SULT1E1: variants seen among roughly 807,000 people sequenced by gnomAD.
SULT1E1 encodes the protein sulfotransferase 1E1.
In SULT1E1, 36 loss-of-function variants were observed where a neutral mutation model predicts 33.6. The observed-to-expected ratio is 1.07, with a 90% CI of 0.82 to 1.41. SULT1E1 has a LOEUF of 1.41. Among genes scored for constraint, SULT1E1 ranks in the 40% most tolerant of loss-of-function variants. The pLI is 0.00. For synonymous variants in SULT1E1, 121 were observed against 111.7 expected, an observed-to-expected ratio of 1.08 and a Z score of -0.53; for missense variants, 371 against 345.7, an observed-to-expected ratio of 1.07 and a Z score of -0.58.
chr4:69,852,195 T>C (rs1002346442), intron 4 of SULT1E1, among the ~76,000 whole-genome samples: 1 of 152,156 alleles, frequency 6.6e-6, no homozygotes, highest in African/African-American at 2.4e-5. Context: ...CTGATGCTAT[T>C]TCTAAGCTTG....
At chr4:69,827,528 G>A in the SULT1E1 span, among the ~76,000 whole-genome samples, 1 of 152,114 alleles carries the variant, frequency 6.6e-6, no homozygotes, top group African/African-American at 2.4e-5. Context: ...TCCTCAAGCA[G>A]CTACAAGAGG....
At chr4:69,827,420 C>T in the SULT1E1 span, among the ~76,000 whole-genome samples, 12 of 152,108 alleles carry the variant, frequency 7.9e-5, no homozygotes, top group Admixed American at 6.5e-5. Flanking sequence ...TCTGTTGACC[C>T]GTGTTCTAGA....
chr4:69,838,275 TTTAA>T (rs1297841879), downstream of SULT1E1, among the ~76,000 whole-genome samples: 1 of 152,106 alleles, frequency 6.6e-6, no homozygotes, highest in African/African-American at 2.4e-5. Flanking sequence ...TCCAGTTTAA[TTTAA>T]TTGTTTTTAT....
At chr4:69,852,312 A>T (rs1048934172) in intron 4 of SULT1E1, among the ~76,000 whole-genome samples, 1 of 152,072 alleles carries the variant, frequency 6.6e-6, no homozygotes, top group Admixed American at 6.6e-5. Flanking sequence ...GGTGTGTGTG[A>T]TCTACTTGAT....
At chr4:69,835,509 A>T in the SULT1E1 span, among the ~76,000 whole-genome samples, 1 of 152,198 alleles carries the variant, frequency 6.6e-6, no homozygotes, top group African/African-American at 2.4e-5. Flanking sequence ...AACTGAATTT[A>T]TGATAAGTGG....
At chr4:69,857,109 G>A (rs911682794) in intron 2 of SULT1E1, among the ~76,000 whole-genome samples, 1 of 152,094 alleles carries the variant, frequency 6.6e-6, no homozygotes, top group African/African-American at 2.4e-5. Context: ...ATGGAGTTTT[G>A]TAGATAGACT....
intron 2 of SULT1E1, among the ~76,000 whole-genome samples, chr4:69,855,743 A>C (rs1721219953): frequency 6.6e-6 from 1 of 152,178 alleles, no homozygotes. Context: ...AAGTAAGAAG[A>C]CTTGAATAAG....
chr4:69,848,930 T>C (rs11573776), intron 5 of SULT1E1, among the ~76,000 whole-genome samples: 1,659 of 151,986 alleles, frequency 0.011, 33 homozygotes, highest in African/African-American at 0.038. Flanking sequence ...GAAACCTGGT[T>C]AAAATATTCA....
chr4:69,857,963 C>A (rs4149529), intron 1 of SULT1E1, among the ~76,000 whole-genome samples: 41,102 of 151,926 alleles, frequency 0.27, 6,061 homozygotes, highest in South Asian at 0.43. Flanking sequence ...AACCACAGAA[C>A]CTTCAATTTC....
intron 4 of SULT1E1, 47 bp from the exon 5 acceptor site, chr4:69,849,610 A>G (rs1439105131): frequency 6.6e-7 from 1 of 1,514,104 alleles, no homozygotes; most frequent in African/African-American, 1.4e-5. Flanking sequence ...TTTTTTTCAA[A>G]CAGTCTCATC....
intron 7 of SULT1E1, among the ~76,000 whole-genome samples, chr4:69,843,263 C>T (rs1244138857): frequency 6.6e-6 from 1 of 152,150 alleles, no homozygotes; most frequent in South Asian, 2.1e-4. Flanking sequence ...CAGATAGGTT[C>T]TGAGGGTACA....
chr4:69,823,712 G>A, the SULT1E1 span, among the ~76,000 whole-genome samples: 1 of 152,142 alleles, frequency 6.6e-6, no homozygotes, highest in Non-Finnish European at 1.5e-5. Context: ...CATATTTAGA[G>A]TCTGTGTAAA....
At chr4:69,831,444 G>A in the SULT1E1 span, among the ~76,000 whole-genome samples, 3 of 152,160 alleles carry the variant, frequency 2.0e-5, no homozygotes, top group East Asian at 1.9e-4. Flanking sequence ...GCTGTCCCCC[G>A]ACCCTGGTCA....
the SULT1E1 span, among the ~76,000 whole-genome samples, chr4:69,834,982 G>A: frequency 6.6e-6 from 1 of 152,072 alleles, no homozygotes; most frequent in African/African-American, 2.4e-5. Flanking sequence ...ATATCAAGAA[G>A]TCAAAAATTT....
Position 69,841,927 on chromosome 4 carries a change from A to G in SULT1E1, c.*67T>C. 1.2e-6 allele frequency: 1 copy of G among 863,550 alleles called. No homozygotes were observed. 53.5% of individuals were successfully genotyped at this position (863,550 alleles called of 1,614,324 possible). ...TATGTCTTTTCTAGCAATCTAAAAT[A>G]AGAAAAAGTGGAGAATAATGAAAAG... On this transcript the variant is annotated 3_prime_UTR_variant, in exon 8 of 8. Coordinates refer to ENST00000226444, the MANE Select transcript of SULT1E1 (RefSeq NM_005420.3).
the SULT1E1 span, among the ~76,000 whole-genome samples, chr4:69,821,249 C>T: frequency 1.2e-4 from 19 of 152,228 alleles, no homozygotes; most frequent in Middle Eastern, 3.4e-3. Flanking sequence ...AACTATCCTA[C>T]GTTTTTCACA....
At chr4:69,825,045 A>G in the SULT1E1 span, among the ~76,000 whole-genome samples, 1 of 152,150 alleles carries the variant, frequency 6.6e-6, no homozygotes, top group East Asian at 1.9e-4. Flanking sequence ...CCGCTAACCC[A>G]CCAGGAGGAA....
Position 69,842,115 on chromosome 4 carries a change from A to T in SULT1E1, c.773-9T>A. ...CCAGTCTCCTGTAATTCCTGTAACA[A>T]AAAAGAAAGCTCAATAAATATTAAG... On this transcript the variant is annotated splice_polypyrimidine_tract_variant and intron_variant, in intron 7 of 7. Transcript: ENST00000226444. The T allele has an allele frequency of 1.3e-6, 2 of 1,495,370 alleles. No homozygotes were observed. The highest frequency in any genetic ancestry group is 1.8e-6 in the Non-Finnish European group (2 of 1,084,304). 92.6% of individuals were successfully genotyped at this position (1,495,370 alleles called of 1,614,324 possible).
chr4:69,857,695 A>C, intron 1 of SULT1E1, 42 bp from the exon 2 acceptor site: 1 of 1,521,410 alleles, frequency 6.6e-7, no homozygotes, highest in South Asian at 1.4e-5. Flanking sequence ...TGTACTTAAC[A>C]ATATTTCACC....
Sources: gnomAD v4.1 joint callset for allele counts (sites outside exome capture counted in the v4.1 genomes callset) on GRCh38, gnomAD v4.1.1 for gene constraint, MANE v1.5 for transcripts, NCBI Gene and HGNC (gene_info 2026-07-23, HGNC 2026-07-21) for gene names.